The following PAK3 variants were observed in gnomAD, a reference collection of about 807,000 sequenced individuals.
PAK3 encodes the protein p21 (RAC1) activated kinase 3.
In PAK3, 4 loss-of-function variants were observed where a neutral mutation model predicts 41.0. That is an observed-to-expected ratio of 0.10 (90% CI 0.05 to 0.22). PAK3 has a LOEUF of 0.22. Among genes scored for constraint, PAK3 ranks in the 10% least tolerant of loss-of-function variants. The pLI is 1.00. For synonymous variants in PAK3, 146 were observed against 139.6 expected (o/e 1.05, Z -0.32); for missense variants, 205 against 409.9 (o/e 0.50, Z 4.32).
intron 4 of PAK3, among the ~76,000 whole-genome samples, chrX:111,105,236 CACAG>C (rs1207133682): frequency 1.8e-5 from 2 of 111,814 alleles, no homozygotes; most frequent in Admixed American, 9.5e-5. Flanking sequence ...CCCTCATGTT[CACAG>C]ACACTCACAC....
chrX:111,002,331 A>C (rs2091861142), intron 1 of PAK3, among the ~76,000 whole-genome samples: 1 of 111,910 alleles, frequency 8.9e-6, no homozygotes, highest in African/African-American at 3.2e-5. Flanking sequence ...TTAGAACCAA[A>C]ATTATATGCA....
chrX:111,076,042 G>A (rs1431205065), intron 1 of PAK3, among the ~76,000 whole-genome samples: 5 of 112,374 alleles, frequency 4.4e-5, no homozygotes, highest in South Asian at 3.7e-4. Flanking sequence ...TGCCTATACC[G>A]CCATTGTACC....
intron 1 of PAK3, among the ~76,000 whole-genome samples, chrX:111,035,558 G>A (rs1315095657): frequency 8.9e-6 from 1 of 111,842 alleles, no homozygotes; most frequent in Non-Finnish European, 1.9e-5. Context: ...CTGTGGTCAC[G>A]GCTGTGAAAC....
At chrX:111,052,731 T>C (rs1317119651) in intron 1 of PAK3, among the ~76,000 whole-genome samples, 2 of 112,439 alleles carry the variant, frequency 1.8e-5, no homozygotes, top group African/African-American at 6.5e-5. Flanking sequence ...GGTCTTTTCC[T>C]TCCTTTGACT....
intron 1 of PAK3, among the ~76,000 whole-genome samples, chrX:110,964,835 C>A (rs2091049005): frequency 8.9e-6 from 1 of 112,107 alleles, no homozygotes; most frequent in South Asian, 3.7e-4. Context: ...GAGAAGGAAG[C>A]TAGCTGGCAA....
rs753803898 is a variant in PAK3, at chrX:111,163,847, T to A, written c.766+120T>A. On this transcript the variant is annotated intron_variant, in intron 10 of 17. Transcript: ENST00000372007. Reference sequence around the variant, plus strand: ...TATATGAACTCCAGACTTCCCAAAATCATGAGATGAAAAATTTGAGACTCA... The same window carrying A: ...TATATGAACTCCAGACTTCCCAAAAACATGAGATGAAAAATTTGAGACTCA... 4.5e-5 allele frequency: 26 copies of A among 583,751 alleles called. No individual in the cohort carries two copies. In the African/African-American group the frequency reaches 5.4e-4, roughly 12 times the overall value. 48.1% of individuals were successfully genotyped at this position (583,751 alleles called of 1,213,427 possible). A position where few individuals can be genotyped will look rare whatever the true frequency, so the allele number is the denominator to read the frequency against.
intron 1 of PAK3, among the ~76,000 whole-genome samples, chrX:111,049,552 TAGTA>T (rs2092535430): frequency 8.9e-6 from 1 of 112,122 alleles, no homozygotes; most frequent in African/African-American, 3.2e-5. Flanking sequence ...TTGGTGGTAG[TAGTA>T]AGTGAGATGA....
Position 111,220,945 on chromosome X carries a change from C to CAAAAAAAAAAAAAAAAAAAACAAAA in PAK3, c.*515_*516insAAACAAAAAAAAAAAAAAAAAAAAA. 6 of 49,412 alleles carry CAAAAAAAAAAAAAAAAAAAACAAAA rather than the reference C, an allele frequency of 1.2e-4. No individual in the cohort carries two copies. Among genetic ancestry groups the CAAAAAAAAAAAAAAAAAAAACAAAA allele is most frequent in the East Asian group, 6.5e-4 (1 of 1,530 alleles). The allele number at this position is 49,412 out of a possible 1,213,427, so 4.1% of individuals were successfully genotyped here. ...AAAAAAGAAAGCAAAAAAAGCAAGG[C>CAAAAAAAAAAAAAAAAAAAACAAAA]AAAAAAAAAAAAAAAAACAAACAAA... On this transcript the variant is annotated 3_prime_UTR_variant, in exon 18 of 18. Coordinates refer to ENST00000372007, the MANE Select transcript of PAK3 (RefSeq NM_002578.5).
chrX:111,020,282 G>A (rs1039548570), intron 1 of PAK3, among the ~76,000 whole-genome samples: 1 of 112,069 alleles, frequency 8.9e-6, no homozygotes, highest in African/African-American at 3.2e-5. Context: ...TATGCTACGT[G>A]TAATAAGCCA....
intron 10 of PAK3, among the ~76,000 whole-genome samples, chrX:111,171,184 G>A (rs2094335234): frequency 9.0e-6 from 1 of 111,472 alleles, no homozygotes; most frequent in African/African-American, 3.3e-5. Context: ...TGGGCATAGA[G>A]AGAAGAGTAT....
rs765163972 is a variant in PAK3, at chrX:111,000,469, A to C, written c.-28+55841A>C. ...GACTTGTCAAATTGTCATGAGAGAC[A>C]AAGGTTGAGGAAGCATCACAGATTA... On this transcript the variant is annotated intron_variant, in intron 1 of 14. Coordinates refer to the PAK3 transcript ENST00000425146. 8.9e-5 allele frequency among the ~76,000 whole-genome samples: 10 copies of C among 112,365 alleles called. No individual in the cohort carries two copies. The East Asian group carries it at 2.8e-3, about 32-fold the overall frequency.
At chrX:111,150,925 A>C (rs1370451357) in intron 7 of PAK3, among the ~76,000 whole-genome samples, 1 of 111,883 alleles carries the variant, frequency 8.9e-6, no homozygotes, top group Admixed American at 9.5e-5. Context: ...CACTGGATTT[A>C]GTATAAGCAG....
At chrX:111,044,141 G>A in intron 1 of PAK3, among the ~76,000 whole-genome samples, 1 of 112,068 alleles carries the variant, frequency 8.9e-6, no homozygotes, top group East Asian at 2.8e-4. Flanking sequence ...AAGTAGGCAG[G>A]TAGACTGGGA....
intron 1 of PAK3, among the ~76,000 whole-genome samples, chrX:111,002,709 G>A (rs1305500143): frequency 9.0e-6 from 1 of 111,470 alleles, no homozygotes; most frequent in Non-Finnish European, 1.9e-5. Flanking sequence ...GAGAGGCAGA[G>A]CACTGCTGAC....
intron 1 of PAK3, among the ~76,000 whole-genome samples, chrX:111,052,438 T>C (rs1348708201): frequency 2.7e-5 from 3 of 112,710 alleles, no homozygotes; most frequent in Non-Finnish European, 5.6e-5. Flanking sequence ...CTCGTGGTGT[T>C]AATAATAATG....
chrX:111,183,288 A>G (rs1603361369), intron 11 of PAK3, among the ~76,000 whole-genome samples: 1 of 111,708 alleles, frequency 9.0e-6, no homozygotes, highest in Non-Finnish European at 1.9e-5. Context: ...AGCTGCAGAG[A>G]GTATGGCTCA....
At chrX:110,972,182 C>T (rs1268094701) in intron 1 of PAK3, among the ~76,000 whole-genome samples, 4 of 111,075 alleles carry the variant, frequency 3.6e-5, no homozygotes, top group East Asian at 5.7e-4. Flanking sequence ...TGTCTTATTG[C>T]GCTGGGTAGT....
At chrX:110,973,905 G>A (rs956813403) in intron 1 of PAK3, among the ~76,000 whole-genome samples, 3 of 111,703 alleles carry the variant, frequency 2.7e-5, no homozygotes, top group Non-Finnish European at 5.6e-5. Context: ...AAAAGCAGGG[G>A]TTGCAATCCT....
chrX:111,026,680 A>G (rs776890378), intron 1 of PAK3, among the ~76,000 whole-genome samples: 2 of 112,055 alleles, frequency 1.8e-5, no homozygotes, highest in Admixed American at 9.5e-5. Context: ...AAATGGAAAC[A>G]CTTCTCATGC....
Sources: allele counts gnomAD v4.1 joint callset (sites outside exome capture counted in the v4.1 genomes callset), GRCh38; gene constraint gnomAD v4.1.1; transcripts MANE v1.5; gene names NCBI Gene and HGNC (gene_info 2026-07-23, HGNC 2026-07-21).